The following MARK1 variants were observed in gnomAD, a reference collection of about 807,000 sequenced individuals.
MARK1 encodes microtubule affinity regulating kinase 1, also known as serine/threonine-protein kinase MARK1.
MARK1 carries 40 observed loss-of-function variants against 96.3 expected under a neutral mutation model. The ratio of observed to expected loss-of-function variants is 0.42; its 90% CI spans 0.32 to 0.54. The LOEUF (loss-of-function observed/expected upper bound fraction) is 0.54. Ranked by LOEUF, MARK1 falls within the 20% of genes least tolerant of loss-of-function variation. The pLI is 0.16. For missense variants in MARK1, 719 were observed against 984.6 expected (o/e 0.73, Z 3.61); for synonymous variants, 317 against 341.2 (o/e 0.93, Z 0.78).
chr1:220,648,551 G>A (rs1214446374), intron 13 of MARK1, among the ~76,000 whole-genome samples: 4 of 152,228 alleles, frequency 2.6e-5, no homozygotes, highest in African/African-American at 9.6e-5. Flanking sequence ...GGGAGGTAGA[G>A]TGGGAGGAGC....
At chr1:220,546,850 T>C (rs917274222) in intron 1 of MARK1, among the ~76,000 whole-genome samples, 12 of 152,174 alleles carry the variant, frequency 7.9e-5, no homozygotes, top group Middle Eastern at 3.4e-3. Context: ...CGTGCGCCTG[T>C]AGTCCCAGCT....
intron 3 of MARK1, among the ~76,000 whole-genome samples, chr1:220,595,184 G>T (rs1288254662): frequency 1.3e-5 from 2 of 152,212 alleles, no homozygotes; most frequent in East Asian, 3.9e-4. Flanking sequence ...AGTCTATTAT[G>T]TTTATGTGTA....
At chr1:220,599,606 A>G (rs532843486) in intron 4 of MARK1, among the ~76,000 whole-genome samples, 192 bp from the exon 5 acceptor site, 3 of 152,242 alleles carry the variant, frequency 2.0e-5, no homozygotes, top group African/African-American at 7.2e-5. Context: ...TTGGTTCTAA[A>G]TCACTTTGTG....
intron 9 of MARK1, among the ~76,000 whole-genome samples, chr1:220,622,685 C>A (rs1322246252): frequency 6.6e-6 from 1 of 152,104 alleles, no homozygotes; most frequent in African/African-American, 2.4e-5. Context: ...TCACCTAAGT[C>A]CAGGAGATCG....
chr1:220,586,009 A>ACGCG (rs66540247), intron 3 of MARK1, among the ~76,000 whole-genome samples: 15 of 129,724 alleles, frequency 1.2e-4, no homozygotes, highest in South Asian at 5.1e-4. Context: ...ACACACACAC[A>ACGCG]CACGCGCGCG....
intron 3 of MARK1, among the ~76,000 whole-genome samples, chr1:220,592,410 C>T (rs569592457): frequency 6.6e-6 from 1 of 151,986 alleles, no homozygotes; most frequent in Non-Finnish European, 1.5e-5. Context: ...TGACAGCCAC[C>T]AAGAAGCCAG....
At chr1:220,597,371 G>A (rs112570655) in intron 3 of MARK1, among the ~76,000 whole-genome samples, 75 of 151,974 alleles carry the variant, frequency 4.9e-4, no homozygotes, top group African/African-American at 1.7e-3. Context: ...CCACATCCCC[G>A]CCAACATTTG....
chr1:220,599,989 AAATTACATCTTAAGGAAAATTCAGTGTTT>A, intron 5 of MARK1, 126 bp downstream of exon 5: 1 of 523,666 alleles, frequency 1.9e-6, no homozygotes, highest in Non-Finnish European at 3.3e-6. Flanking sequence ...AAATGCCTTT[AAATTACATCTTAAGGAAAATTCAGTGTTT>A]ACTTTTAAGA....
At chr1:220,616,307 G>A (rs757922289) in intron 7 of MARK1, among the ~76,000 whole-genome samples, 1 of 152,202 alleles carries the variant, frequency 6.6e-6, no homozygotes. Flanking sequence ...CAGAAGCAAA[G>A]TCAGAGCACA....
chr1:220,552,312 G>T (rs988657898), intron 1 of MARK1, among the ~76,000 whole-genome samples: 5 of 152,136 alleles, frequency 3.3e-5, no homozygotes, highest in Non-Finnish European at 7.3e-5. Flanking sequence ...AAGGATAATA[G>T]TGAGAACAGC....
chr1:220,611,446 G>A (rs1375364640), intron 6 of MARK1, among the ~76,000 whole-genome samples: 3 of 152,202 alleles, frequency 2.0e-5, no homozygotes, highest in South Asian at 2.1e-4. Flanking sequence ...TAGTATTTGG[G>A]TGGGGAGTGT....
chr1:220,627,061 C>T, intron 9 of MARK1: 1 of 541,674 alleles, frequency 1.8e-6, no homozygotes, highest in Non-Finnish European at 3.8e-6. Context: ...GTATGACTAA[C>T]CAGAACACGA....
intron 3 of MARK1, among the ~76,000 whole-genome samples, chr1:220,586,123 A>G (rs1051409478): frequency 1.3e-5 from 2 of 152,206 alleles, no homozygotes; most frequent in Admixed American, 1.3e-4. Flanking sequence ...AAGCTTTCAG[A>G]TGGCGTTTTA....
At chr1:220,586,024 CAG>C (rs1553323045) in intron 3 of MARK1, among the ~76,000 whole-genome samples, 32 of 151,354 alleles carry the variant, frequency 2.1e-4, no homozygotes, top group Non-Finnish European at 3.8e-4. Context: ...CGCGCGTGCG[CAG>C]AGAGAGAGAG....
chr1:220,560,070 C>T (rs971893376), intron 1 of MARK1, among the ~76,000 whole-genome samples: 8 of 152,028 alleles, frequency 5.3e-5, no homozygotes, highest in South Asian at 2.1e-4. Flanking sequence ...TCTTACATGG[C>T]GGCAGGCAAT....
At chr1:220,571,185 GTATT>G (rs1454809293) in intron 1 of MARK1, among the ~76,000 whole-genome samples, 1 of 152,136 alleles carries the variant, frequency 6.6e-6, no homozygotes, top group African/African-American at 2.4e-5. Context: ...TTTAAGTTGA[GTATT>G]TAACAATAGA....
intron 5 of MARK1, among the ~76,000 whole-genome samples, chr1:220,600,845 G>A (rs1400646296): frequency 6.6e-6 from 1 of 151,054 alleles, no homozygotes; most frequent in Admixed American, 6.6e-5. Flanking sequence ...TATCTAGTCT[G>A]TAGCAACTAA....
At chr1:220,582,724 G>A (rs1004323333) in intron 3 of MARK1, among the ~76,000 whole-genome samples, 3 of 152,172 alleles carry the variant, frequency 2.0e-5, no homozygotes, top group African/African-American at 7.2e-5. Context: ...GAAACTGAAT[G>A]TTGCTTTCTT....
At chr1:220,581,981 A>C (rs186773034) in intron 3 of MARK1, among the ~76,000 whole-genome samples, 56 of 152,370 alleles carry the variant, frequency 3.7e-4, no homozygotes, top group East Asian at 9.6e-4. Flanking sequence ...GACCATTGTC[A>C]CATATGTAAT....
Sources: allele counts gnomAD v4.1 joint callset (sites outside exome capture counted in the v4.1 genomes callset), GRCh38; gene constraint gnomAD v4.1.1; transcripts MANE v1.5; gene names NCBI Gene and HGNC (gene_info 2026-07-23, HGNC 2026-07-21).